Variants in ARID2 observed in about 807,000 individuals in gnomAD.
ARID2 encodes the protein AT-rich interactive domain-containing protein 2.
A neutral mutation model predicts 184.6 loss-of-function variants in ARID2; 32 were observed. That is an observed-to-expected ratio of 0.17 (90% CI 0.13 to 0.23). The LOEUF is 0.23. Among genes scored for constraint, ARID2 ranks in the 10% least tolerant of loss-of-function variants. The pLI is 1.00. For missense variants in ARID2, 1,696 were observed against 2,197.6 expected (o/e 0.77, Z 4.56); for synonymous variants, 836 against 772.6 (o/e 1.08, Z -1.36).
chr12:45,867,757 GAA>G (rs527782123), intron 16 of ARID2, among the ~76,000 whole-genome samples: 1 of 144,052 alleles, frequency 6.9e-6, no homozygotes, highest in Non-Finnish European at 1.5e-5. Flanking sequence ...AAAAAAAAAA[GAA>G]AAAAAAACTT....
rs778363623 is a variant in ARID2 at position 45,907,155 on chromosome 12, C to T, written c.*2077C>T. The T allele has an allele frequency of 1.7e-4, 39 of 232,532 alleles. No homozygotes were observed. Among genetic ancestry groups the T allele is most frequent in the African/African-American group, 7.1e-4 (32 of 45,274 alleles). 14.4% of individuals were successfully genotyped at this position (232,532 alleles called of 1,614,324 possible). On this transcript the variant is annotated 3_prime_UTR_variant, in exon 21 of 21. Transcript: ENST00000334344. ...AAGACTGGCACTGCCCAACAGACAC[C>T]GCTGAAATCATGTGGGTATCCCTAG...
intron 3 of ARID2, among the ~76,000 whole-genome samples, chr12:45,741,713 A>G (rs1425388594): frequency 2.0e-5 from 3 of 152,230 alleles, no homozygotes; most frequent in Non-Finnish European, 4.4e-5. Context: ...AAGATCTTCC[A>G]GGGTCTACTT....
At chr12:45,825,687 A>G (rs1942981993) in intron 6 of ARID2, among the ~76,000 whole-genome samples, 2 of 152,124 alleles carry the variant, frequency 1.3e-5, no homozygotes, top group South Asian at 4.2e-4. Context: ...ATATAATGAG[A>G]CCTCGTCTCT....
intron 3 of ARID2, among the ~76,000 whole-genome samples, chr12:45,796,379 G>T (rs939401106): frequency 3.3e-5 from 5 of 152,066 alleles, no homozygotes; most frequent in Admixed American, 6.6e-5. Flanking sequence ...CTGTTGGATA[G>T]TTAGGTTGTT....
intron 3 of ARID2, among the ~76,000 whole-genome samples, chr12:45,745,307 G>C (rs1941333850): frequency 6.6e-6 from 1 of 152,178 alleles, no homozygotes. Context: ...TACTAGAAAG[G>C]ATTTTAAGAA....
At chr12:45,816,316 T>C (rs886703089) in intron 4 of ARID2, among the ~76,000 whole-genome samples, 2 of 152,162 alleles carry the variant, frequency 1.3e-5, no homozygotes, top group Admixed American at 1.3e-4. Flanking sequence ...AAAATTTCTG[T>C]TTAAAGACAC....
At chr12:45,758,067 GACA>G (rs1433222810) in intron 3 of ARID2, among the ~76,000 whole-genome samples, 1 of 152,156 alleles carries the variant, frequency 6.6e-6, no homozygotes, top group Non-Finnish European at 1.5e-5. Flanking sequence ...GATTTTTCGA[GACA>G]ACAAAGTTTT....
rs1943573707 is a variant in ARID2, at chr12:45,852,537, C to T, written c.4414C>T (p.His1472Tyr). ...ACGCCCAAGTGTAGTTGTCTCACCA[C>T]ATTCTACAACCTCTGTTATACAGGG... Reference protein sequence around the residue: ...QQRPSVVVSPHSTTSVIQGHQ... With the variant: ...QQRPSVVVSPYSTTSVIQGHQ... The change falls in exon 15 of 21, where the codon CAT becomes TAT. Residue 1472 changes from histidine (H) to tyrosine (Y), a missense_variant. Physicochemically the swap from His to Tyr is moderately conservative, Grantham distance 83. Around this residue, in one of 11 missense-constraint regions of ARID2, gnomAD observed 428 missense variants for 409.1 expected, o/e 1.05. Transcript: ENST00000334344. The T allele has an allele frequency of 1.9e-6, 3 of 1,614,062 alleles. No individual in the cohort carries two copies. Among genetic ancestry groups the T allele is most frequent in the African/African-American group, 2.7e-5 (2 of 74,926 alleles).
At chr12:45,739,050 C>T (rs1247658086) in intron 3 of ARID2, among the ~76,000 whole-genome samples, 1 of 151,890 alleles carries the variant, frequency 6.6e-6, no homozygotes, top group East Asian at 1.9e-4. Context: ...CTCACTGCAG[C>T]CTCCACCTCT....
chr12:45,768,722 G>C (rs1208734291), intron 3 of ARID2, among the ~76,000 whole-genome samples: 1 of 152,112 alleles, frequency 6.6e-6, no homozygotes, highest in Non-Finnish European at 1.5e-5. Flanking sequence ...GCTGGGAGGA[G>C]TCTTTTTGGG....
rs572657084 is a variant in ARID2, at chr12:45,816,902, G to T, written c.419-768G>T. On this transcript the variant is annotated intron_variant, in intron 4 of 20. Coordinates refer to ENST00000334344, the MANE Select transcript of ARID2 (RefSeq NM_152641.4). Reference sequence around the variant, plus strand: ...TGGTAGGGGATGGAATTGAGCATGAGAAACTTTTTGTAGTGATAGAGATAC... The same window carrying T: ...TGGTAGGGGATGGAATTGAGCATGATAAACTTTTTGTAGTGATAGAGATAC... Among the ~76,000 whole-genome samples the T allele has an allele frequency of 4.6e-5, 7 of 152,294 alleles. No homozygotes were observed. In the South Asian group the frequency reaches 1.5e-3, roughly 32 times the overall value.
At chr12:45,825,677 A>G (rs569675839) in intron 6 of ARID2, among the ~76,000 whole-genome samples, 1 of 152,234 alleles carries the variant, frequency 6.6e-6, no homozygotes, top group East Asian at 1.9e-4. Flanking sequence ...AGCCTGGGCA[A>G]TATAATGAGA....
chr12:45,744,617 GATTAC>G (rs1370387113), intron 3 of ARID2, among the ~76,000 whole-genome samples: 1 of 151,838 alleles, frequency 6.6e-6, no homozygotes, highest in African/African-American at 2.4e-5. Context: ...GCTGGCCATT[GATTAC>G]ATTACTTGAT....
intron 12 of ARID2, among the ~76,000 whole-genome samples, chr12:45,847,456 A>C (rs1017593978): frequency 6.6e-6 from 1 of 152,072 alleles, no homozygotes; most frequent in South Asian, 2.1e-4. Flanking sequence ...CTTGACAATA[A>C]TATTTCCTTG....
chr12:45,791,793 T>A (rs1942296908), intron 3 of ARID2, among the ~76,000 whole-genome samples: 1 of 152,192 alleles, frequency 6.6e-6, no homozygotes, highest in African/African-American at 2.4e-5. Flanking sequence ...CTATCTGATA[T>A]AATTCCCACC....
rs1315641875 is a variant in ARID2, at chr12:45,905,695, A to G, written c.*617A>G. 4.3e-6 allele frequency: 1 copy of G among 232,736 alleles called. No individual in the cohort carries two copies. The highest frequency in any genetic ancestry group is 8.5e-6 in the Non-Finnish European group (1 of 117,598). 14.4% of individuals were successfully genotyped at this position (232,736 alleles called of 1,614,324 possible). On this transcript the variant is annotated 3_prime_UTR_variant, in exon 21 of 21. Coordinates refer to ENST00000334344, the MANE Select transcript of ARID2 (RefSeq NM_152641.4). ...TTACCAGTCTGAATAGATCTTGTAA[A>G]TATTTGTGAATAGAATGAATACCTT...
At chr12:45,848,104 GT>G (rs1017936351) in intron 12 of ARID2, among the ~76,000 whole-genome samples, 9 of 148,932 alleles carry the variant, frequency 6.0e-5, no homozygotes, top group Non-Finnish European at 7.5e-5. Flanking sequence ...TCATTTTACA[GT>G]TTTTTTTTTA....
chr12:45,858,376 G>C (rs1053695462), intron 15 of ARID2, among the ~76,000 whole-genome samples: 1 of 152,022 alleles, frequency 6.6e-6, no homozygotes, highest in Admixed American at 6.6e-5. Flanking sequence ...AAGAAAGAAA[G>C]AAAGAAACTT....
intron 3 of ARID2, among the ~76,000 whole-genome samples, chr12:45,740,306 A>G (rs1941224484): frequency 1.3e-5 from 2 of 152,008 alleles, no homozygotes; most frequent in African/African-American, 4.8e-5. Context: ...AAATTGTTAA[A>G]TTTCTTTTGC....
Sources: allele counts gnomAD v4.1 joint callset (sites outside exome capture counted in the v4.1 genomes callset), GRCh38; gene constraint gnomAD v4.1.1; regional missense constraint gnomAD v4.1.1; transcripts MANE v1.5; gene names NCBI Gene and HGNC (gene_info 2026-07-23, HGNC 2026-07-21).